The following PRCP variants were observed in gnomAD, a reference collection of about 807,000 sequenced individuals.
PRCP encodes lysosomal Pro-X carboxypeptidase.
PRCP carries 46 observed loss-of-function variants against 54.2 expected under a neutral mutation model. The observed-to-expected ratio is 0.85, with a 90% CI of 0.67 to 1.09. The LOEUF is 1.09. Among genes scored for constraint, PRCP ranks in the 50% least tolerant of loss-of-function variants. The pLI, the probability that PRCP is intolerant of heterozygous loss-of-function variation, is 0.00. For synonymous variants in PRCP, 240 were observed against 212.2 expected, an observed-to-expected ratio of 1.13 and a Z score of -1.14; for missense variants, 613 against 596.8, an observed-to-expected ratio of 1.03 and a Z score of -0.28.
chr11:82,872,036 G>C (rs1241838781), intron 1 of PRCP, among the ~76,000 whole-genome samples: 1 of 152,216 alleles, frequency 6.6e-6, no homozygotes, highest in African/African-American at 2.4e-5. Flanking sequence ...TATTTTGAGA[G>C]AGAGAAAGAG....
chr11:82,896,554 C>T (rs1860123437), intron 1 of PRCP, among the ~76,000 whole-genome samples: 1 of 151,728 alleles, frequency 6.6e-6, no homozygotes, highest in Non-Finnish European at 1.5e-5. Context: ...TGGCGGGCAC[C>T]TGTAATCCTA....
chr11:82,859,713 T>C (rs1163139696), intron 2 of PRCP, among the ~76,000 whole-genome samples: 2 of 152,104 alleles, frequency 1.3e-5, no homozygotes, highest in African/African-American at 4.8e-5. Flanking sequence ...TCTCCAAAAA[T>C]TGTACATTAT....
At chr11:82,836,962 C>G (rs1483279283) in intron 8 of PRCP, 2 of 330,844 alleles carry the variant, frequency 6.0e-6, no homozygotes, top group African/African-American at 4.4e-5. Flanking sequence ...GGAGATATAT[C>G]AAGGAATATG....
In PRCP at chr11:82,850,390, A is replaced by G. The variant is rs765760889; in HGVS notation, c.527T>C (p.Ile176Thr). 13 of 1,602,838 alleles carry G rather than the reference A, an allele frequency of 8.1e-6. No homozygotes were observed. The highest frequency in any genetic ancestry group is 1.1e-5 in the Non-Finnish European group (13 of 1,173,958). Reference sequence around the variant, plus strand: ...AAGCATGCCACCATAGGAGCCTCCTATGGCAATGACAGGTTGATTTTCAGC... The same window carrying G: ...AAGCATGCCACCATAGGAGCCTCCTGTGGCAATGACAGGTTGATTTTCAGC... ...PGAENQPVIA[I>T]GGSYGGMLAA... The change falls in exon 4 of 9, where the codon ATA becomes ACA. Residue 176 changes from isoleucine (I) to threonine (T), a missense_variant. Coordinates refer to ENST00000313010, the MANE Select transcript of PRCP (RefSeq NM_005040.4).
At chr11:82,865,814 C>G (rs777760319) in intron 1 of PRCP, among the ~76,000 whole-genome samples, 1 of 152,090 alleles carries the variant, frequency 6.6e-6, no homozygotes, top group African/African-American at 2.4e-5. Flanking sequence ...TAAATGGAGA[C>G]TGACAGCTTT....
intron 8 of PRCP, chr11:82,825,677 A>AT (rs887144601): frequency 1.3e-5 from 2 of 155,796 alleles, no homozygotes; most frequent in African/African-American, 2.4e-5. Flanking sequence ...AGAAGGCTGC[A>AT]TTTTTTATCT....
intron 2 of PRCP, among the ~76,000 whole-genome samples, chr11:82,857,527 G>A (rs567242133): frequency 2.0e-5 from 3 of 152,154 alleles, no homozygotes; most frequent in South Asian, 4.1e-4. Flanking sequence ...TCATTTTTTC[G>A]CTTACTCAGT....
intron 6 of PRCP, among the ~76,000 whole-genome samples, chr11:82,842,040 T>C (rs1858685395): frequency 1.3e-5 from 2 of 152,038 alleles, no homozygotes; most frequent in Admixed American, 6.5e-5. Flanking sequence ...AGGGCGACAA[T>C]GCAAGCTGGG....
At chr11:82,827,114 A>G (rs1241383059) in intron 8 of PRCP, 1 of 151,876 alleles carries the variant, frequency 6.6e-6, no homozygotes, top group East Asian at 1.9e-4. Context: ...TTTAATGCAA[A>G]CTCCGTTTTG....
intron 1 of PRCP, among the ~76,000 whole-genome samples, chr11:82,867,304 C>A (rs987821931): frequency 6.6e-6 from 1 of 152,330 alleles, no homozygotes; most frequent in Admixed American, 6.5e-5. Context: ...ACCTTTCTTT[C>A]CTCAAACCAA....
At chr11:82,849,677 C>T (rs188110435) in intron 5 of PRCP, among the ~76,000 whole-genome samples, 99 of 152,238 alleles carry the variant, frequency 6.5e-4, no homozygotes, top group African/African-American at 2.4e-3. Flanking sequence ...TGAAAAGGCA[C>T]GAGGAGATTT....
intron 1 of PRCP, among the ~76,000 whole-genome samples, chr11:82,864,598 T>G (rs1018451013): frequency 6.6e-6 from 1 of 152,234 alleles, no homozygotes; most frequent in Non-Finnish European, 1.5e-5. Flanking sequence ...GCAGTTTGGT[T>G]TATTGAACCA....
At chr11:82,882,231 G>A (rs1859765321) in intron 1 of PRCP, among the ~76,000 whole-genome samples, 1 of 152,096 alleles carries the variant, frequency 6.6e-6, no homozygotes, top group South Asian at 2.1e-4. Flanking sequence ...GAAAAAAAAC[G>A]TTTATAAGTG....
chr11:82,900,127 T>G (rs983016915), intron 1 of PRCP, 108 bp downstream of exon 1: 2 of 1,386,096 alleles, frequency 1.4e-6, no homozygotes, highest in East Asian at 4.6e-5. Flanking sequence ...GAACAGATCC[T>G]AGGCATCAAG....
upstream of PRCP, chr11:82,900,777 C>A (rs1454048296): frequency 8.4e-6 from 4 of 475,714 alleles, no homozygotes; most frequent in Non-Finnish European, 1.7e-5. Context: ...ACCCAATATC[C>A]CTACCATTAT....
intron 1 of PRCP, among the ~76,000 whole-genome samples, chr11:82,899,397 A>G (rs1330697529): frequency 5.9e-5 from 9 of 152,206 alleles, no homozygotes; most frequent in Non-Finnish European, 1.3e-4. Context: ...ATCCGGTTCT[A>G]TCTGACTCCT....
chr11:82,847,382 A>G (rs180834535), intron 6 of PRCP, among the ~76,000 whole-genome samples: 78 of 152,294 alleles, frequency 5.1e-4, no homozygotes, highest in African/African-American at 1.8e-3. Flanking sequence ...TCCTACTTCT[A>G]CCACCTCTTA....
chr11:82,878,330 T>G (rs1027060509), intron 1 of PRCP, among the ~76,000 whole-genome samples: 2 of 152,122 alleles, frequency 1.3e-5, no homozygotes, highest in African/African-American at 2.4e-5. Flanking sequence ...TAGGAAGGCA[T>G]GATTGGTTTT....
At chr11:82,835,209 A>G (rs1193702156) in intron 8 of PRCP, among the ~76,000 whole-genome samples, 3 of 152,230 alleles carry the variant, frequency 2.0e-5, no homozygotes, top group Non-Finnish European at 4.4e-5. Flanking sequence ...TAAAAATTAA[A>G]ATTAAAAATT....
Sources: gnomAD v4.1 joint callset for allele counts (sites outside exome capture counted in the v4.1 genomes callset) on GRCh38, gnomAD v4.1.1 for gene constraint, MANE v1.5 for transcripts, NCBI Gene and HGNC (gene_info 2026-07-23, HGNC 2026-07-21) for gene names.